Variants in LRRC49 observed in about 807,000 individuals in gnomAD.
The protein encoded by LRRC49 is leucine-rich repeat-containing protein 49.
In LRRC49, 50 loss-of-function variants were observed where a neutral mutation model predicts 83.3. That is an observed-to-expected ratio of 0.60 (90% CI 0.48 to 0.76). The LOEUF (loss-of-function observed/expected upper bound fraction) is 0.76, where lower values mean the gene tolerates loss of function less well. Ranked by LOEUF, LRRC49 falls within the 30% of genes least tolerant of loss-of-function variation. The pLI, the probability that LRRC49 is intolerant of heterozygous loss-of-function variation, is 0.00. For missense variants in LRRC49, 704 were observed against 809.1 expected (o/e 0.87, Z 1.58); for synonymous variants, 286 against 283.3 (o/e 1.01, Z -0.10).
upstream of LRRC49, chr15:70,892,142 C>T (rs149961459): frequency 6.2e-7 from 1 of 1,613,556 alleles, no homozygotes; most frequent in East Asian, 2.2e-5. Flanking sequence ...GCCTCCGTAC[C>T]AGTCGGCGCG....
intron 15 of LRRC49, among the ~76,000 whole-genome samples, chr15:71,043,075 T>G (rs1405156724): frequency 2.0e-5 from 3 of 152,194 alleles, no homozygotes; most frequent in Non-Finnish European, 4.4e-5. Flanking sequence ...TTTAGTTGAC[T>G]TTTTATATGT....
intron 15 of LRRC49, among the ~76,000 whole-genome samples, chr15:71,044,701 G>A (rs2039798746): frequency 6.6e-6 from 1 of 151,886 alleles, no homozygotes; most frequent in South Asian, 2.1e-4. Context: ...TGGGAGGGTC[G>A]TTTGAGCCTG....
At chr15:70,945,097 G>T (rs1211331419) in intron 8 of LRRC49, among the ~76,000 whole-genome samples, 2 of 152,068 alleles carry the variant, frequency 1.3e-5, no homozygotes, top group East Asian at 1.9e-4. Context: ...TCTCTACAAG[G>T]TTCCCTCCTC....
chr15:70,893,134 C>CT, intron 1 of LRRC49, 192 bp downstream of exon 1: 2 of 648,156 alleles, frequency 3.1e-6, no homozygotes, highest in Non-Finnish European at 5.5e-6. Context: ...TACTCAAAGT[C>CT]TTGTCCAGGA....
upstream of LRRC49, chr15:70,892,436 G>A (rs1462540902): frequency 2.0e-6 from 3 of 1,535,894 alleles, no homozygotes; most frequent in South Asian, 1.2e-5. Context: ...GGCGATCTGG[G>A]GCCCCCAATG....
chr15:71,021,617 A>C (rs2038997635), intron 14 of LRRC49, among the ~76,000 whole-genome samples: 1 of 152,208 alleles, frequency 6.6e-6, no homozygotes, highest in South Asian at 2.1e-4. Context: ...GGTGGATCTT[A>C]TGCCTTCAGC....
chr15:70,880,446 GAATA>G (rs1178246718), intron 2 of LRRC49, among the ~76,000 whole-genome samples: 5 of 152,200 alleles, frequency 3.3e-5, no homozygotes, highest in Non-Finnish European at 7.4e-5. Context: ...AAATACTTAT[GAATA>G]AATAAATTGA....
At chr15:70,950,413 C>T (rs941892135) in intron 8 of LRRC49, among the ~76,000 whole-genome samples, 1 of 152,188 alleles carries the variant, frequency 6.6e-6, no homozygotes, top group Non-Finnish European at 1.5e-5. Flanking sequence ...ACACTCCCAC[C>T]AGCAGTGTAT....
intron 8 of LRRC49, among the ~76,000 whole-genome samples, chr15:70,954,149 C>T (rs555449658): frequency 1.3e-5 from 2 of 152,340 alleles, no homozygotes; most frequent in Admixed American, 6.5e-5. Context: ...CCTGCCTTGG[C>T]TTCCCAAAGT....
At chr15:71,040,328 C>T (rs2039659940) in intron 15 of LRRC49, among the ~76,000 whole-genome samples, 1 of 152,174 alleles carries the variant, frequency 6.6e-6, no homozygotes, top group Non-Finnish European at 1.5e-5. Context: ...GTGATCCCCA[C>T]ACCCCAGTAT....
chr15:71,035,352 TA>T (rs2039486447), intron 14 of LRRC49, among the ~76,000 whole-genome samples: 1 of 152,266 alleles, frequency 6.6e-6, no homozygotes, highest in South Asian at 2.1e-4. Context: ...TTTAAAGATT[TA>T]TTTTTTTTTA....
At chr15:70,856,568 A>G (rs2032659056) in intron 1 of LRRC49, among the ~76,000 whole-genome samples, 2 of 152,230 alleles carry the variant, frequency 1.3e-5, no homozygotes, top group South Asian at 4.1e-4. Context: ...AATCAAATGC[A>G]AAACTTGCAC....
At chr15:70,913,724 T>A (rs1010988756) in intron 6 of LRRC49, among the ~76,000 whole-genome samples, 2 of 152,036 alleles carry the variant, frequency 1.3e-5, no homozygotes, top group African/African-American at 4.8e-5. Context: ...TAACTATAAA[T>A]GAAACATTTT....
At chr15:71,010,787 AAATT>A in intron 13 of LRRC49, among the ~76,000 whole-genome samples, 1 of 152,154 alleles carries the variant, frequency 6.6e-6, no homozygotes, top group African/African-American at 2.4e-5. Context: ...CACCTCTACT[AAATT>A]TAAACACTCC....
rs767675160 is a variant in LRRC49 at position 70,904,730 on chromosome 15, C to T, written c.475C>T (p.Arg159Cys). 9.3e-6 allele frequency: 15 copies of T among 1,612,774 alleles called. No individual in the cohort carries two copies. Among genetic ancestry groups the T allele is most frequent in the Non-Finnish European group, 1.3e-5 (15 of 1,179,178 alleles). ...ISGLSTLRCL[R>C]VLLLGKNRIK... ...TGGGCTTTCGACTCTGAGATGTCTT[C>T]GTGTCCTTCTGTTGGGGAAAAACAG... is the stretch of plus-strand genomic sequence containing the variant. The change falls in exon 5 of 16, where the codon CGT becomes TGT. Residue 159 changes from arginine (R) to cysteine (C), a missense_variant. Arg to Cys is a radical substitution (Grantham distance 180). Coordinates refer to ENST00000260382, the MANE Select transcript of LRRC49 (RefSeq NM_017691.5).
At chr15:70,891,867 C>G (rs569176627), upstream of LRRC49, 40 of 1,602,958 alleles carry the variant, frequency 2.5e-5, no homozygotes, top group East Asian at 8.3e-4. Context: ...GCCTGCTTCC[C>G]AGCTCGGGGG....
intron 9 of LRRC49, among the ~76,000 whole-genome samples, chr15:70,970,283 T>C (rs1046858877): frequency 2.6e-5 from 4 of 152,194 alleles, no homozygotes; most frequent in African/African-American, 9.7e-5. Flanking sequence ...ATTACATTTA[T>C]TGATTTGAGT....
At chr15:71,009,601 T>C in intron 12 of LRRC49, 1 of 420,448 alleles carries the variant, frequency 2.4e-6, no homozygotes, top group Non-Finnish European at 4.2e-6. Flanking sequence ...GAATTCAATA[T>C]TGGATGGATT....
At chr15:70,984,709 A>G (rs572025371) in intron 11 of LRRC49, among the ~76,000 whole-genome samples, 1,592 of 151,686 alleles carry the variant, frequency 0.01, 10 homozygotes, top group South Asian at 0.019. Flanking sequence ...TACATGTGCC[A>G]TGCTGGTGTG....
Sources: gnomAD v4.1 joint callset for allele counts (sites outside exome capture counted in the v4.1 genomes callset) on GRCh38, gnomAD v4.1.1 for gene constraint, MANE v1.5 for transcripts, NCBI Gene and HGNC (gene_info 2026-07-23, HGNC 2026-07-21) for gene names.